Variants in BRINP3 observed in about 807,000 individuals in gnomAD.
BRINP3 encodes BMP/retinoic acid inducible neural specific 3, also known as BMP/retinoic acid-inducible neural-specific protein 3.
BRINP3 carries 19 observed loss-of-function variants against 71.0 expected under a neutral mutation model. The ratio of observed to expected loss-of-function variants is 0.27; its 90% CI spans 0.19 to 0.39. The LOEUF is 0.39. BRINP3 is among the 10% of genes least tolerant of loss of function. The pLI, the probability that BRINP3 is intolerant of heterozygous loss-of-function variation, is 1.00. For synonymous variants in BRINP3, 380 were observed against 337.7 expected (o/e 1.13, Z -1.37); for missense variants, 959 against 940.8 (o/e 1.02, Z -0.25).
intron 2 of BRINP3, among the ~76,000 whole-genome samples, chr1:190,444,303 G>A (rs982993490): frequency 2.0e-5 from 3 of 146,418 alleles, no homozygotes; most frequent in African/African-American, 5.0e-5. Context: ...ATTTTAATGG[G>A]GTGTGTTTTA....
chr1:190,434,821 C>T (rs187096140), intron 2 of BRINP3, among the ~76,000 whole-genome samples: 105 of 152,100 alleles, frequency 6.9e-4, no homozygotes, highest in African/African-American at 2.3e-3. Flanking sequence ...AAACTATGAA[C>T]GTGTTAAATA....
rs74128808 is a variant in BRINP3 at position 190,109,842 on chromosome 1, C to T, written c.1185-10708G>A. ...TCCCTCAGGTTCTCAGGCCTTCAGC[C>T]TCAGACTGAGAGTTACACTATTGGC... On this transcript the variant is annotated intron_variant, in intron 7 of 7. Coordinates refer to ENST00000367462, the MANE Select transcript of BRINP3 (RefSeq NM_199051.3). Among the ~76,000 whole-genome samples the T allele has an allele frequency of 4.8e-3, 725 of 152,338 alleles. 8 individuals carry two copies. Among genetic ancestry groups the T allele is most frequent in the African/African-American group, 0.017 (702 of 41,572 alleles).
chr1:190,430,989 G>C (rs1420449108), intron 2 of BRINP3, among the ~76,000 whole-genome samples: 2 of 151,912 alleles, frequency 1.3e-5, no homozygotes, highest in Non-Finnish European at 2.9e-5. Context: ...TTATTGTTGA[G>C]TAATATAATG....
At chr1:190,409,457 T>C (rs974218585) in intron 2 of BRINP3, among the ~76,000 whole-genome samples, 1 of 152,160 alleles carries the variant, frequency 6.6e-6, no homozygotes, top group Non-Finnish European at 1.5e-5. Context: ...CAGTCTAATA[T>C]TTTCCCTTCT....
At chr1:190,117,978 CTTAA>C (rs1653292039) in intron 7 of BRINP3, among the ~76,000 whole-genome samples, 1 of 151,934 alleles carries the variant, frequency 6.6e-6, no homozygotes, top group East Asian at 1.9e-4. Context: ...TTCTTACCTC[CTTAA>C]TTAATAACAT....
chr1:190,142,940 A>C (rs1655581037), intron 7 of BRINP3, among the ~76,000 whole-genome samples: 1 of 152,068 alleles, frequency 6.6e-6, no homozygotes, highest in Non-Finnish European at 1.5e-5. Flanking sequence ...GGCCGTAAGT[A>C]GTTTTTATTT....
intron 6 of BRINP3, among the ~76,000 whole-genome samples, chr1:190,184,564 A>G (rs1653337107): frequency 6.6e-6 from 1 of 152,198 alleles, no homozygotes; most frequent in African/African-American, 2.4e-5. Context: ...AAAATAGCAA[A>G]ATCATTTCCT....
At chr1:190,200,926 T>A (rs1302454921) in intron 6 of BRINP3, among the ~76,000 whole-genome samples, 1 of 152,138 alleles carries the variant, frequency 6.6e-6, no homozygotes, top group Non-Finnish European at 1.5e-5. Flanking sequence ...TTTCCCAATC[T>A]TGAGTATGTC....
At chr1:190,130,831 C>T (rs1160195061) in intron 7 of BRINP3, among the ~76,000 whole-genome samples, 1 of 151,888 alleles carries the variant, frequency 6.6e-6, no homozygotes, top group Admixed American at 6.6e-5. Flanking sequence ...ACTCCTGCCC[C>T]TGCCCCTTTT....
chr1:190,394,843 A>G (rs1671468708), intron 2 of BRINP3, among the ~76,000 whole-genome samples: 1 of 151,628 alleles, frequency 6.6e-6, no homozygotes, highest in African/African-American at 2.4e-5. Flanking sequence ...TCTGGGGAGT[A>G]CACAGTGCCT....
intron 6 of BRINP3, among the ~76,000 whole-genome samples, chr1:190,215,992 T>C (rs915828402): frequency 6.6e-6 from 1 of 151,302 alleles, no homozygotes; most frequent in Non-Finnish European, 1.5e-5. Context: ...TTCATAATTA[T>C]AAGTAATGAA....
At chr1:190,169,193 G>A (rs1651808020) in intron 6 of BRINP3, among the ~76,000 whole-genome samples, 1 of 152,108 alleles carries the variant, frequency 6.6e-6, no homozygotes, top group South Asian at 2.1e-4. Flanking sequence ...TATATTGAGA[G>A]TCTGGTGATT....
intron 2 of BRINP3, chr1:190,362,009 TAA>T: frequency 6.6e-6 from 1 of 152,132 alleles, no homozygotes; most frequent in Admixed American, 6.6e-5. Context: ...GAACTCTTAT[TAA>T]AAAAGATACC....
chr1:190,363,160 G>A (rs188252225), intron 2 of BRINP3, among the ~76,000 whole-genome samples: 4 of 152,124 alleles, frequency 2.6e-5, no homozygotes, highest in South Asian at 2.1e-4. Flanking sequence ...AGGGAACTAC[G>A]AGTGGCCCTG....
At chr1:190,385,799 T>A (rs533094074) in intron 2 of BRINP3, among the ~76,000 whole-genome samples, 146 of 151,584 alleles carry the variant, frequency 9.6e-4, no homozygotes, top group African/African-American at 3.4e-3. Flanking sequence ...TATTGTGGCA[T>A]TATTCACAAT....
rs534307003 is a variant in BRINP3, at chr1:190,187,011, G to A, written c.962-26121C>T. ...ACTGTGTGATCTAGAATAACAGCCA[G>A]TGAAAACGCAGAGTTTGTGTTAGAA... On this transcript the variant is annotated intron_variant, in intron 6 of 7. Transcript: ENST00000367462. Among the ~76,000 whole-genome samples, 6 of 152,226 alleles carry A rather than the reference G, an allele frequency of 3.9e-5. No homozygotes were observed. The East Asian group carries it at 9.7e-4, about 25-fold the overall frequency.
chr1:190,436,665 A>G (rs1029654537), intron 2 of BRINP3, among the ~76,000 whole-genome samples: 2 of 151,904 alleles, frequency 1.3e-5, no homozygotes, highest in East Asian at 3.8e-4. Context: ...TTCATCTCAT[A>G]CAATTTAACA....
In BRINP3 at chr1:190,099,233, T is replaced by C. The variant is rs1651476371; in HGVS notation, c.1185-99A>G. On this transcript the variant is annotated intron_variant, in intron 7 of 7. Coordinates refer to ENST00000367462, the MANE Select transcript of BRINP3 (RefSeq NM_199051.3). ...AAATCTTTGCTATCATTTCTTCAGG[T>C]CATCTCCAGCCAGTAATTTAAATGA... The C allele has an allele frequency of 2.6e-6, 3 of 1,169,340 alleles. No homozygotes were observed. The East Asian group carries it at 7.7e-5, about 30-fold the overall frequency. 72.4% of individuals were successfully genotyped at this position (1,169,340 alleles called of 1,614,324 possible).
At chr1:190,271,213 G>A (rs1394024319) in intron 3 of BRINP3, among the ~76,000 whole-genome samples, 1 of 151,552 alleles carries the variant, frequency 6.6e-6, no homozygotes, top group Non-Finnish European at 1.5e-5. Flanking sequence ...ATGAGGTCCT[G>A]GAAGACAGAA....
Sources: allele counts gnomAD v4.1 joint callset (sites outside exome capture counted in the v4.1 genomes callset), GRCh38; gene constraint gnomAD v4.1.1; transcripts MANE v1.5; gene names NCBI Gene and HGNC (gene_info 2026-07-23, HGNC 2026-07-21).